NCAM1: variants seen among roughly 807,000 people sequenced by gnomAD.
The protein encoded by NCAM1 is antigen recognized by monoclonal antibody 5.1H11.
In NCAM1, 14 loss-of-function variants were observed where a neutral mutation model predicts 109.8. The observed-to-expected ratio is 0.13, with a 90% confidence interval of 0.08 to 0.20. NCAM1 has a LOEUF of 0.20. Ranked by LOEUF, NCAM1 falls within the 10% of genes least tolerant of loss-of-function variation. The pLI is 1.00. For synonymous variants in NCAM1, 418 were observed against 442.9 expected, an observed-to-expected ratio of 0.94 and a Z score of 0.70; for missense variants, 774 against 1,109.9, an observed-to-expected ratio of 0.70 and a Z score of 4.30.
At position 112,962,451 on chromosome 11, in the gene NCAM1, T is replaced by C. The variant is rs1451106317; in HGVS notation, c.52+787T>C. 6.6e-6 allele frequency among the ~76,000 whole-genome samples: 1 copy of C among 151,610 alleles called. No homozygotes were observed. The highest frequency in any genetic ancestry group is 6.6e-5 in the Admixed American group (1 of 15,258). On this transcript the variant is annotated intron_variant, in intron 1 of 19. Transcript: ENST00000316851. This position sits in a 1 kb window ranked among gnomAD's most constrained non-coding sequence, Gnocchi z 5.6. ...GGGCTGCCTGGTGTGTGCGCGCGCG[T>C]GTGCGCGCGTGTGTCTTTACACGCG...
intron 1 of NCAM1, among the ~76,000 whole-genome samples, chr11:113,034,868 T>C (rs1164870066): frequency 6.6e-6 from 1 of 152,116 alleles, no homozygotes; most frequent in Non-Finnish European, 1.5e-5. Context: ...GGCTGAAAAA[T>C]AGTTTCTATT....
Position 113,265,124 on chromosome 11 carries a change from T to C in NCAM1, c.2131+4801T>C, listed in dbSNP as rs567404132. ...CTACTAATAAGAATGCTAACATTGT[T>C]GTGTAGATAATCAGTGAGGGCTTTA... On this transcript the variant is annotated intron_variant, in intron 17 of 19. Coordinates refer to ENST00000316851, the MANE Select transcript of NCAM1 (RefSeq NM_181351.5). 3 of 985,410 alleles carry C rather than the reference T, an allele frequency of 3.0e-6. No homozygotes were observed. The African/African-American group carries it at 5.2e-5, about 17-fold the overall frequency. 61.0% of individuals were successfully genotyped at this position (985,410 alleles called of 1,614,324 possible). A position where few individuals can be genotyped will look rare whatever the true frequency, so the allele number is the denominator to read the frequency against.
At chr11:113,237,907 TATATATAGATATATAG>T (rs1555118563) in intron 14 of NCAM1, among the ~76,000 whole-genome samples, 1 of 10,612 alleles carries the variant, frequency 9.4e-5, no homozygotes, top group South Asian at 8.6e-3. Flanking sequence ...GATATATAGA[TATATATAGATATATAG>T]ATATAGATAT....
At chr11:113,224,326 C>T (rs570266544) in intron 9 of NCAM1, among the ~76,000 whole-genome samples, 1 of 152,336 alleles carries the variant, frequency 6.6e-6, no homozygotes, top group African/African-American at 2.4e-5. Flanking sequence ...CACGGAGCCT[C>T]GCTCATTGCT....
At position 113,271,326 on chromosome 11, in the gene NCAM1, C is replaced by T. The variant is rs188197675; in HGVS notation, c.2340-434C>T. On this transcript the variant is annotated intron_variant, in intron 18 of 19. Transcript: ENST00000316851. ...CGGAGGTTGCAACGAACCAAGATCA[C>T]GCCACTGCACTCCAGCCTGGGCGAC... Among the ~76,000 whole-genome samples, 825 of 130,026 alleles carry T rather than the reference C, an allele frequency of 6.3e-3. 9 individuals carry two copies. Among genetic ancestry groups the T allele is most frequent in the Non-Finnish European group, 8.8e-3 (570 of 65,010 alleles). The allele number at this position is 130,026 out of a possible 152,430, so 85.3% of individuals were successfully genotyped here.
At chr11:113,167,634 G>C (rs1942848854) in intron 1 of NCAM1, among the ~76,000 whole-genome samples, 1 of 151,938 alleles carries the variant, frequency 6.6e-6, no homozygotes, top group Non-Finnish European at 1.5e-5. Context: ...TGTTGGGGTT[G>C]AGTTAGTGGT....
Position 112,963,621 on chromosome 11 carries a change from G to A in NCAM1, c.52+1957G>A, listed in dbSNP as rs544352629. On this transcript the variant is annotated intron_variant, in intron 1 of 19. Transcript: ENST00000316851. This position sits in a 1 kb window ranked among gnomAD's most constrained non-coding sequence, Gnocchi z 4.6. ...GGTTATGCCCCTTTCCGCGGTGCCC[G>A]TGGGTGCCGCGACGCGACCTGTCCA... is the stretch of plus-strand genomic sequence containing the variant. Among the ~76,000 whole-genome samples, 20 of 152,304 alleles carry A rather than the reference G, an allele frequency of 1.3e-4. No individual in the cohort carries two copies. Among genetic ancestry groups the A allele is most frequent in the African/African-American group, 3.6e-4 (15 of 41,578 alleles).
chr11:113,000,885 G>A (rs545496364), intron 1 of NCAM1, among the ~76,000 whole-genome samples: 272 of 144,962 alleles, frequency 1.9e-3, no homozygotes, highest in South Asian at 8.4e-3. Flanking sequence ...ATACACGTAT[G>A]TATGTGTACG....
At chr11:113,098,424 G>A (rs1555090838) in intron 1 of NCAM1, among the ~76,000 whole-genome samples, 1 of 151,966 alleles carries the variant, frequency 6.6e-6, no homozygotes, top group Non-Finnish European at 1.5e-5. Flanking sequence ...TTTGTAAGTA[G>A]TTGTTATACT....
chr11:113,273,162 C>T lies in NCAM1; in HGVS notation c.2456+1286C>T. 7.3e-6 allele frequency: 3 copies of T among 412,588 alleles called. No individual in the cohort carries two copies. The highest frequency in any genetic ancestry group is 1.5e-5 in the Non-Finnish European group (3 of 203,666). The allele number at this position is 412,588 out of a possible 1,614,324, so 25.6% of individuals were successfully genotyped here. On this transcript the variant is annotated intron_variant, in intron 19 of 19. Coordinates refer to ENST00000316851, the MANE Select transcript of NCAM1 (RefSeq NM_181351.5). This position sits in a 1 kb window ranked among gnomAD's most constrained non-coding sequence, Gnocchi z 6.0. The stretch of plus-strand genomic sequence containing the variant: ...TTCCAAGGGGCCCAGCGCCTCTGCC[C>T]CCTCCCCGGCCCCAGCTTCAGCCCC...
intron 4 of NCAM1, 146 bp downstream of exon 4, chr11:113,205,812 T>C: frequency 1.6e-6 from 2 of 1,214,502 alleles, no homozygotes; most frequent in South Asian, 1.5e-5. Context: ...AATAGATGCA[T>C]ATCTGAAGTT....
intron 14 of NCAM1, among the ~76,000 whole-genome samples, chr11:113,241,028 G>A (rs1945310223): frequency 6.6e-6 from 1 of 152,210 alleles, no homozygotes; most frequent in Admixed American, 6.5e-5. Flanking sequence ...AGCCTTCCCT[G>A]AAGGAGAGGC....
chr11:113,165,778 G>T (rs1942772650), intron 1 of NCAM1, among the ~76,000 whole-genome samples: 2 of 151,416 alleles, frequency 1.3e-5, no homozygotes, highest in African/African-American at 4.9e-5. Flanking sequence ...CTTCTCGCCT[G>T]GTCCGGTTTC....
In NCAM1 at chr11:113,207,176, C is replaced by T. The variant is rs1278974614; in HGVS notation, c.629-85C>T. The T allele has an allele frequency of 4.0e-5, 42 of 1,051,428 alleles. No homozygotes were observed. In the East Asian group the frequency reaches 5.3e-4, roughly 13 times the overall value. 65.1% of individuals were successfully genotyped at this position (1,051,428 alleles called of 1,614,324 possible). A position where few individuals can be genotyped will look rare whatever the true frequency, so the allele number is the denominator to read the frequency against. ...CGTTTGTCCCACAGGCTGAGAACTCCTGACCTGGAGTGGTGTCTCTTCTCC... is the reference window on the plus strand; with the variant it reads ...CGTTTGTCCCACAGGCTGAGAACTCTTGACCTGGAGTGGTGTCTCTTCTCC... On this transcript the variant is annotated intron_variant, in intron 5 of 19. Transcript: ENST00000316851.
chr11:113,008,246 G>A (rs1555073663), intron 1 of NCAM1, among the ~76,000 whole-genome samples: 1 of 152,128 alleles, frequency 6.6e-6, no homozygotes, highest in African/African-American at 2.4e-5. Context: ...AAGTTGGACT[G>A]TTTACATTAT....
intron 1 of NCAM1, among the ~76,000 whole-genome samples, chr11:113,043,520 A>G (rs545320115): frequency 3.9e-5 from 6 of 152,172 alleles, no homozygotes; most frequent in African/African-American, 1.4e-4. Flanking sequence ...TATTTTTAGT[A>G]GAGACAGGGT....
intron 1 of NCAM1, among the ~76,000 whole-genome samples, chr11:113,101,734 A>G (rs563902343): frequency 2.8e-4 from 42 of 152,362 alleles, no homozygotes; most frequent in African/African-American, 9.9e-4. Context: ...ACATGGTGCT[A>G]GACTCTTTAA....
Position 113,232,177 on chromosome 11 carries a change from A to T in NCAM1, c.1248A>T (p.Pro416=). ...QSMYLEVQYA[P]KLQGPVAVYT... is the part of the protein sequence containing the mutation. The stretch of plus-strand genomic sequence containing the variant: ...CATTGTTATTTATTGCAGATGCCCC[A>T]AAGCTACAGGGCCCTGTGGCTGTGT... The change falls in exon 11 of 20, where the codon CCA becomes CCT. Residue 416 remains proline, a synonymous_variant. Transcript: ENST00000316851. The T allele has an allele frequency of 6.3e-6, 10 of 1,592,422 alleles. No homozygotes were observed. The highest frequency in any genetic ancestry group is 8.5e-6 in the Non-Finnish European group (10 of 1,171,618).
intron 1 of NCAM1, among the ~76,000 whole-genome samples, chr11:113,157,700 A>G (rs1227560259): frequency 1.3e-5 from 2 of 152,180 alleles, no homozygotes; most frequent in Non-Finnish European, 2.9e-5. Flanking sequence ...TTAAAATAGC[A>G]GTAATACATA....
Sources: allele counts gnomAD v4.1 joint callset (sites outside exome capture counted in the v4.1 genomes callset), GRCh38; gene constraint gnomAD v4.1.1; non-coding constraint Gnocchi (gnomAD v3.1); transcripts MANE v1.5; gene names NCBI Gene and HGNC (gene_info 2026-07-23, HGNC 2026-07-21).